NTM: variants seen among roughly 807,000 people sequenced by gnomAD.
NTM encodes the protein neurotrimin, also known as IgLON family member 2.
NTM carries 13 observed loss-of-function variants against 42.1 expected under a neutral mutation model. That is an observed-to-expected ratio of 0.31 (90% CI 0.20 to 0.49). NTM has a LOEUF of 0.49. Ranked by LOEUF, NTM falls within the 20% of genes least tolerant of loss-of-function variation. The pLI is 0.99. For missense variants in NTM, 373 were observed against 452.8 expected, an observed-to-expected ratio of 0.82 and a Z score of 1.60; for synonymous variants, 187 against 179.2, an observed-to-expected ratio of 1.04 and a Z score of -0.35.
In NTM at chr11:131,420,708, G is replaced by C. The variant is rs143065405; in HGVS notation, c.82+49820G>C. 1.8e-4 allele frequency among the ~76,000 whole-genome samples: 28 copies of C among 152,276 alleles called. No homozygotes were observed. In the East Asian group the frequency reaches 5.4e-3, roughly 29 times the overall value. On this transcript the variant is annotated intron_variant, in intron 1 of 8. Coordinates refer to ENST00000683400, the MANE Select transcript of NTM (RefSeq NM_001352005.2). ...AGAGCAGCCATTGAGGGAATTCAAG[G>C]CTTGGGCATCTGGAAGTGGGTGGGC...
intron 1 of NTM, chr11:131,605,855 T>A (rs1313965987): frequency 4.1e-6 from 4 of 984,018 alleles, no homozygotes; most frequent in Admixed American, 1.2e-4. Context: ...CTTCTTGGAC[T>A]ATCTCACCTG....
chr11:132,121,109 C>T (rs116380275), intron 2 of NTM, among the ~76,000 whole-genome samples: 1,740 of 152,232 alleles, frequency 0.011, 34 homozygotes, highest in African/African-American at 0.04. Flanking sequence ...AAGGGGCCAG[C>T]GGTTTCATTC....
intron 2 of NTM, among the ~76,000 whole-genome samples, chr11:132,085,776 T>A (rs2059625941): frequency 6.6e-6 from 1 of 152,178 alleles, no homozygotes. Context: ...ATCTCCTAAT[T>A]GGATTATTGG....
At chr11:131,619,073 G>A (rs190544168) in intron 1 of NTM, among the ~76,000 whole-genome samples, 3 of 152,312 alleles carry the variant, frequency 2.0e-5, no homozygotes, top group Admixed American at 1.3e-4. Flanking sequence ...AAAAAGATGT[G>A]AAGAGCTCTG....
At chr11:131,463,205 G>A (rs1041659095) in intron 1 of NTM, among the ~76,000 whole-genome samples, 3 of 152,160 alleles carry the variant, frequency 2.0e-5, no homozygotes, top group Admixed American at 6.5e-5. Flanking sequence ...GAAAGCAGCC[G>A]GAGATTGTAG....
chr11:131,932,786 G>A (rs2058773130), intron 2 of NTM, among the ~76,000 whole-genome samples: 1 of 152,224 alleles, frequency 6.6e-6, no homozygotes. Flanking sequence ...TGAGCTGCAG[G>A]AGGTACAGAG....
chr11:132,029,311 G>C (rs912342092), intron 2 of NTM, among the ~76,000 whole-genome samples: 4 of 151,548 alleles, frequency 2.6e-5, no homozygotes, highest in Non-Finnish European at 5.9e-5. Context: ...TTTAACATTA[G>C]TTATATCTCC....
intron 3 of NTM, among the ~76,000 whole-genome samples, chr11:132,161,395 T>TCC (rs1348565271): frequency 0.29 from 27,547 of 96,414 alleles, 4,830 homozygotes; most frequent in Non-Finnish European, 0.38. Flanking sequence ...TTTTTTTTTT[T>TCC]CCCCACAAAA....
intron 1 of NTM, among the ~76,000 whole-genome samples, chr11:131,449,804 TGCCTGTGCAGAA>T (rs1950347428): frequency 6.6e-6 from 1 of 152,294 alleles, no homozygotes; most frequent in African/African-American, 2.4e-5. Context: ...ACCTGTGCAC[TGCCTGTGCAGAA>T]GCCTGTCCCT....
At chr11:132,200,108 G>A (rs1241989231) in intron 3 of NTM, among the ~76,000 whole-genome samples, 2 of 152,166 alleles carry the variant, frequency 1.3e-5, no homozygotes, top group Admixed American at 1.3e-4. Flanking sequence ...TAAAGGGGAA[G>A]GAGCTTCGCC....
intron 1 of NTM, among the ~76,000 whole-genome samples, chr11:131,885,694 C>G (rs1034940478): frequency 2.0e-5 from 3 of 152,146 alleles, no homozygotes; most frequent in Non-Finnish European, 2.9e-5. Context: ...GCCACCACAA[C>G]AAAGGAGCTT....
At chr11:132,106,375 A>G (rs546534852) in intron 2 of NTM, among the ~76,000 whole-genome samples, 1 of 152,334 alleles carries the variant, frequency 6.6e-6, no homozygotes, top group Non-Finnish European at 1.5e-5. Context: ...TTCAGAGGTA[A>G]TGAGACAACT....
intron 4 of NTM, among the ~76,000 whole-genome samples, chr11:132,272,018 CTTATA>C (rs1384053251): frequency 6.6e-6 from 1 of 152,030 alleles, no homozygotes; most frequent in African/African-American, 2.4e-5. Flanking sequence ...AGTTATAGAA[CTTATA>C]TTATGTATCT....
At chr11:132,073,074 T>C (rs922243003) in intron 2 of NTM, among the ~76,000 whole-genome samples, 3 of 152,178 alleles carry the variant, frequency 2.0e-5, no homozygotes, top group Admixed American at 2.0e-4. Context: ...GGAGATGTGC[T>C]AGCTCCTTCT....
At chr11:131,386,067 C>T (rs1943281498) in intron 1 of NTM, among the ~76,000 whole-genome samples, 1 of 152,124 alleles carries the variant, frequency 6.6e-6, no homozygotes, top group Admixed American at 6.5e-5. Flanking sequence ...GTAGAAACAA[C>T]CCAAGTGTCC....
intron 4 of NTM, among the ~76,000 whole-genome samples, chr11:132,256,233 A>C (rs1288677550): frequency 2.6e-5 from 4 of 152,162 alleles, no homozygotes; most frequent in Admixed American, 6.5e-5. Flanking sequence ...TCCAAATCCC[A>C]GTGTGGTCCT....
At chr11:131,746,648 G>T (rs903349800) in intron 1 of NTM, among the ~76,000 whole-genome samples, 4 of 152,156 alleles carry the variant, frequency 2.6e-5, no homozygotes, top group Non-Finnish European at 5.9e-5. Flanking sequence ...AGTATGCAGA[G>T]ACATTAATAA....
chr11:131,922,109 T>C (rs187802560), intron 2 of NTM: 1 of 152,652 alleles, frequency 6.6e-6, no homozygotes, highest in South Asian at 2.1e-4. Context: ...CCCTGGATTA[T>C]TTCCACTCCT....
chr11:131,401,822 A>ATATATATATATATGTGTATG (rs1945218978), intron 1 of NTM, among the ~76,000 whole-genome samples: 1 of 57,876 alleles, frequency 1.7e-5, no homozygotes. Context: ...ATATATATAT[A>ATATATATATATATGTGTATG]TATATATATA....
Sources: gnomAD v4.1 joint callset for allele counts (sites outside exome capture counted in the v4.1 genomes callset) on GRCh38, gnomAD v4.1.1 for gene constraint, MANE v1.5 for transcripts, NCBI Gene and HGNC (gene_info 2026-07-23, HGNC 2026-07-21) for gene names.